CUZD1: variants seen among roughly 807,000 people sequenced by gnomAD.
CUZD1 encodes the protein CUB and zona pellucida-like domain-containing protein 1.
In CUZD1, 42 loss-of-function variants were observed where a neutral mutation model predicts 53.1. The ratio of observed to expected loss-of-function variants is 0.79; its 90% CI spans 0.62 to 1.02. The LOEUF (loss-of-function observed/expected upper bound fraction) is 1.02. Ranked by LOEUF, CUZD1 falls within the 50% of genes least tolerant of loss-of-function variation. CUZD1 has a pLI of 0.00. For missense variants in CUZD1, 670 were observed against 715.7 expected, an observed-to-expected ratio of 0.94 and a Z score of 0.73; for synonymous variants, 238 against 257.2, an observed-to-expected ratio of 0.93 and a Z score of 0.71.
chr10:122,837,707 T>C lies in CUZD1; in HGVS notation c.449-153A>G, dbSNP rs1025978524. ...ACATATTGAGGTTTTCATCCTTTTT[T>C]ATCATTGAAATTTCTGTCCACTGGT... On this transcript the variant is annotated intron_variant, in intron 3 of 8. Transcript: ENST00000392790. 5.8e-6 allele frequency: 4 copies of C among 690,198 alleles called. No individual in the cohort carries two copies. The African/African-American group carries it at 7.5e-5, about 13-fold the overall frequency. The allele number at this position is 690,198 out of a possible 1,614,324, so 42.8% of individuals were successfully genotyped here.
At chr10:122,843,408 C>T (rs1847374866) in intron 1 of CUZD1, among the ~76,000 whole-genome samples, 1 of 152,124 alleles carries the variant, frequency 6.6e-6, no homozygotes, top group Non-Finnish European at 1.5e-5. Flanking sequence ...CACTTCAAAA[C>T]ATCTCTAGAT....
rs1444128297 is a variant in CUZD1, at chr10:122,837,002, C to T, written c.646G>A (p.Asp216Asn). 2.5e-6 allele frequency: 4 copies of T among 1,613,738 alleles called. No individual in the cohort carries two copies. The African/African-American group carries it at 5.3e-5, about 22-fold the overall frequency. The part of the protein sequence containing the change: ...QCKFDFLAIY[D>N]GPSTNSGLIG... ...AGGCCAGAGTTGGTGGAGGGGCCAT[C>T]ATAGATGGCAAGAAAATCAAATTTG... Residue 216 changes from aspartate to asparagine, a missense_variant, in exon 5 of 9, where the codon GAT becomes AAT. Physicochemically the swap from Asp to Asn is conservative, Grantham distance 23. Coordinates refer to ENST00000392790, the MANE Select transcript of CUZD1 (RefSeq NM_022034.6).
In CUZD1 at chr10:122,834,971, C is replaced by A. The variant is rs780999461; in HGVS notation, c.1117G>T (p.Val373Leu). ...VKCEMGHNST[V>L]EIIYITEDDV... ...TCTTCTGTTATGTATATTATCTCCA[C>A]TGTAGAATTATGTCCCATTTCACAC... The change falls in exon 7 of 9, where the codon GTG becomes TTG. Residue 373 changes from valine to leucine, a missense_variant. Val to Leu is a conservative substitution (Grantham distance 32). Transcript: ENST00000392790. 1.9e-6 allele frequency: 3 copies of A among 1,613,864 alleles called. No individual in the cohort carries two copies. Among genetic ancestry groups the A allele is most frequent in the Non-Finnish European group, 2.5e-6 (3 of 1,179,832 alleles).
rs111370005 is a variant in CUZD1, at chr10:122,840,422, G to GT, written c.233+755_233+756insA. On this transcript the variant is annotated intron_variant, in intron 2 of 8. Transcript: ENST00000392790. ...AAGAACCACTGGGACAGGCGTAAGA[G>GT]GGGGGCTCTGGAGCCAGGCTGCTTG... Among the ~76,000 whole-genome samples the GT allele has an allele frequency of 1.0e-2, 1,516 of 152,320 alleles. 28 individuals carry two copies. Among genetic ancestry groups the GT allele is most frequent in the East Asian group, 0.034 (177 of 5,182 alleles).
At position 122,837,417 on chromosome 10, in the gene CUZD1, A is replaced by T; in HGVS notation, c.586T>A (p.Phe196Ile). 1 of 1,614,048 alleles carries T rather than the reference A, an allele frequency of 6.2e-7. No homozygotes were observed. The highest frequency in any genetic ancestry group is 8.5e-7 in the Non-Finnish European group (1 of 1,179,958). Reference protein sequence around the residue: ...VEKDYKIKLNFKEIFLEIDKQ... With the variant: ...VEKDYKIKLNIKEIFLEIDKQ... Reference sequence around the variant, plus strand: ...AGCAGTACTTACAAAATCTCTTTGAAGTTTAGTTTTATCTTGTAATCTTTC... The same window carrying T: ...AGCAGTACTTACAAAATCTCTTTGATGTTTAGTTTTATCTTGTAATCTTTC... Residue 196 changes from phenylalanine to isoleucine, a missense_variant, in exon 4 of 9, where the codon TTC becomes ATC. Phe to Ile is a conservative substitution (Grantham distance 21, BLOSUM62 0). Transcript: ENST00000392790.
intron 6 of CUZD1, 125 bp from the exon 7 acceptor site, chr10:122,835,222 T>A (rs1847230458): frequency 3.2e-6 from 2 of 624,254 alleles, no homozygotes; most frequent in Non-Finnish European, 5.3e-6. Context: ...AGCTTTCATG[T>A]CAGAATACTA....
At position 122,834,974 on chromosome 10, in the gene CUZD1, T is replaced by C; in HGVS notation, c.1114A>G (p.Thr372Ala). 10 of 1,613,880 alleles carry C rather than the reference T, an allele frequency of 6.2e-6. No individual in the cohort carries two copies. The highest frequency in any genetic ancestry group is 8.5e-6 in the Non-Finnish European group (10 of 1,179,826). The change falls in exon 7 of 9, where the codon ACA (threonine) becomes GCA (alanine). Residue 372 changes from threonine to alanine, a missense_variant. Coordinates refer to ENST00000392790, the MANE Select transcript of CUZD1 (RefSeq NM_022034.6). ...IVKCEMGHNS[T>A]VEIIYITEDD... ...TCTGTTATGTATATTATCTCCACTG[T>C]AGAATTATGTCCCATTTCACACTTC... is the stretch of plus-strand genomic sequence containing the variant.
intron 1 of CUZD1, among the ~76,000 whole-genome samples, chr10:122,845,053 A>G (rs759594349): frequency 3.5e-4 from 53 of 150,990 alleles, no homozygotes; most frequent in Non-Finnish European, 6.3e-4. Flanking sequence ...AATGTGGTCT[A>G]TGGACACATT....
At position 122,836,282 on chromosome 10, in the gene CUZD1, A is replaced by G. The variant is rs371549230; in HGVS notation, c.886T>C (p.Ser296Pro). 3.7e-6 allele frequency: 6 copies of G among 1,612,102 alleles called. No individual in the cohort carries two copies. The highest frequency in any genetic ancestry group is 5.1e-6 in the Non-Finnish European group (6 of 1,179,308). The change falls in exon 6 of 9, where the codon TCT becomes CCT. Residue 296 changes from serine to proline, a missense_variant. Coordinates refer to ENST00000392790, the MANE Select transcript of CUZD1 (RefSeq NM_022034.6). ...TTTAGTTGCAAGTTATTCCCATTAGAGTTAAAAGCCTCTAGGTAGGATTTG... is the reference window on the plus strand; with the variant it reads ...TTTAGTTGCAAGTTATTCCCATTAGGGTTAAAAGCCTCTAGGTAGGATTTG... ...ISKSYLEAFNSNGNNLQLKDP... is the reference protein window; with the variant it reads ...ISKSYLEAFNPNGNNLQLKDP...
In CUZD1 at chr10:122,841,323, C is replaced by A; in HGVS notation, c.88G>T (p.Ala30Ser). Residue 30 changes from alanine (A) to serine (S), a missense_variant, in exon 2 of 9, where the codon GCA becomes TCA. Physicochemically the swap from Ala to Ser is moderately conservative, Grantham distance 99 (BLOSUM62 1). Transcript: ENST00000392790. ...ELTMAEAEGN[A>S]SCTVSLGGAN... ...CCCCCTAGACTGACTGTGCAGCTTGCATTGCCTGTTAGAGATCACAGATGG... is the reference window on the plus strand; with the variant it reads ...CCCCCTAGACTGACTGTGCAGCTTGAATTGCCTGTTAGAGATCACAGATGG... 6.2e-7 allele frequency: 1 copy of A among 1,603,318 alleles called. No homozygotes were observed.
chr10:122,841,200 T>G lies in CUZD1; in HGVS notation c.211A>C (p.Arg71=). Residue 71 remains arginine (R), a synonymous_variant, in exon 2 of 9, where the codon AGA becomes CGA. Transcript: ENST00000392790. The part of the protein sequence containing the change: ...TIERPENKSI[R]IIFSYVQLDP... ...TACTGGACATAGGAAAAGATAATTCTGATGCTTTTGTTTTCTGGTCTTTCT... is the reference window on the plus strand; with the variant it reads ...TACTGGACATAGGAAAAGATAATTCGGATGCTTTTGTTTTCTGGTCTTTCT... 8 of 1,613,818 alleles carry G rather than the reference T, an allele frequency of 5.0e-6. No homozygotes were observed. Among genetic ancestry groups the G allele is most frequent in the Non-Finnish European group, 5.9e-6 (7 of 1,179,856 alleles).
At chr10:122,838,583 A>G (rs144225473) in intron 3 of CUZD1, among the ~76,000 whole-genome samples, 118 of 152,328 alleles carry the variant, frequency 7.7e-4, no homozygotes, top group Non-Finnish European at 1.4e-3. Context: ...CAACAACCCG[A>G]ACCAAGATCT....
Position 122,836,937 on chromosome 10 carries a change from T to C in CUZD1, c.711A>G (p.Glu237=). ...QVCGRVTPTF[E]SSSNSLTVVL... The stretch of plus-strand genomic sequence containing the variant: ...CGACAGTCAGAGAGTTTGATGACGA[T>C]TCGAAGGTGGGAGTCACACGGCCAC... The change falls in exon 5 of 9, where the codon GAA becomes GAG. Residue 237 remains glutamate (E), a synonymous_variant. Coordinates refer to ENST00000392790, the MANE Select transcript of CUZD1 (RefSeq NM_022034.6). 6.2e-7 allele frequency: 1 copy of C among 1,614,086 alleles called. No individual in the cohort carries two copies. Among genetic ancestry groups the C allele is most frequent in the Non-Finnish European group, 8.5e-7 (1 of 1,179,968 alleles).
chr10:122,838,940 A>G (rs766954192), intron 3 of CUZD1, 77 bp downstream of exon 3: 75 of 1,127,530 alleles, frequency 6.7e-5, no homozygotes, highest in Non-Finnish European at 9.3e-5. Context: ...ACTGAAGATT[A>G]TAAGAACCCG....
At chr10:122,841,997 T>C (rs1295656469) in intron 1 of CUZD1, among the ~76,000 whole-genome samples, 1 of 152,146 alleles carries the variant, frequency 6.6e-6, no homozygotes, top group Admixed American at 6.5e-5. Flanking sequence ...TTTTGAGAGT[T>C]TTTTATATAT....
chr10:122,832,807 A>G (rs1452868765), intron 8 of CUZD1, among the ~76,000 whole-genome samples: 1 of 152,156 alleles, frequency 6.6e-6, no homozygotes, highest in Non-Finnish European at 1.5e-5. Context: ...AAATTTGTTC[A>G]TTCCCTTGAA....
Position 122,836,366 on chromosome 10 carries a change from A to C in CUZD1, c.818-16T>G. 6.5e-7 allele frequency: 1 copy of C among 1,535,944 alleles called. No homozygotes were observed. Among genetic ancestry groups the C allele is most frequent in the South Asian group, 1.3e-5 (1 of 78,636 alleles). On this transcript the variant is annotated splice_polypyrimidine_tract_variant and intron_variant, in intron 5 of 8. Coordinates refer to ENST00000392790, the MANE Select transcript of CUZD1 (RefSeq NM_022034.6). ...GTTAAAGATGCTGTCAGGAAAAAAAAAAAAAAAAGAATGGTCATGTTTATG... is the reference window on the plus strand; with the variant it reads ...GTTAAAGATGCTGTCAGGAAAAAAACAAAAAAAAGAATGGTCATGTTTATG...
At position 122,837,549 on chromosome 10, in the gene CUZD1, G is replaced by C. The variant is rs558554477; in HGVS notation, c.454C>G (p.Pro152Ala). The C allele has an allele frequency of 6.4e-7, 1 of 1,565,806 alleles. No homozygotes were observed. The highest frequency in any genetic ancestry group is 8.6e-7 in the Non-Finnish European group (1 of 1,160,802). Reference protein sequence around the residue: ...YYFFSPNISIPNCGGYLDTLE... With the variant: ...YYFFSPNISIANCGGYLDTLE... ...GTATCCAGGTAACCGCCACAGTTTG[G>C]AATAGCTGAAATGGATGTGAAGGTG... The change falls in exon 4 of 9, where the codon CCA (proline) becomes GCA (alanine). Residue 152 changes from proline (P) to alanine (A), a missense_variant. By Grantham distance (27) the Pro-to-Ala change is conservative. Coordinates refer to ENST00000392790, the MANE Select transcript of CUZD1 (RefSeq NM_022034.6).
intron 6 of CUZD1, among the ~76,000 whole-genome samples, chr10:122,835,368 C>T (rs1847233059): frequency 6.6e-6 from 1 of 152,070 alleles, no homozygotes; most frequent in Non-Finnish European, 1.5e-5. Flanking sequence ...ATTTTGATTG[C>T]AAATTTCCAG....
Sources: gnomAD v4.1 joint callset for allele counts (sites outside exome capture counted in the v4.1 genomes callset) on GRCh38, gnomAD v4.1.1 for gene constraint, MANE v1.5 for transcripts, NCBI Gene and HGNC (gene_info 2026-07-23, HGNC 2026-07-21) for gene names.